The following COP1 variants were observed in gnomAD, a reference collection of about 807,000 sequenced individuals.
The protein encoded by COP1 is COP1 E3 ubiquitin ligase.
In COP1, 24 loss-of-function variants were observed where a neutral mutation model predicts 101.3. The observed-to-expected ratio is 0.24, with a 90% CI of 0.17 to 0.33. The LOEUF (loss-of-function observed/expected upper bound fraction) is 0.33. COP1 is among the 10% of genes least tolerant of loss of function. The pLI, the probability that COP1 is intolerant of heterozygous loss-of-function variation, is 1.00. For synonymous variants in COP1, 347 were observed against 341.9 expected (o/e 1.01, Z -0.17); for missense variants, 663 against 906.2 (o/e 0.73, Z 3.45).
At chr1:175,947,341 A>G (rs1428391195) in intron 18 of COP1, 102 bp from the exon 19 acceptor site, 6 of 801,676 alleles carry the variant, frequency 7.5e-6, no homozygotes, top group African/African-American at 5.2e-5. Flanking sequence ...TTCAATTCCT[A>G]AGACAATTGA....
intron 1 of COP1, among the ~76,000 whole-genome samples, chr1:176,190,451 A>G (rs1220156971): frequency 2.6e-5 from 4 of 151,940 alleles, no homozygotes; most frequent in Non-Finnish European, 5.9e-5. Context: ...ACATTTTTAT[A>G]CCAATTGCCA....
rs542787295 is a variant in COP1, at chr1:176,008,288, A to T, written c.1730-18809T>A. On this transcript the variant is annotated intron_variant, in intron 15 of 19. Transcript: ENST00000367669. ...AACCCGGTACCTCAGATGGAAATGC[A>T]GAAATCACCCATCTTCTGCGTTGCT... is the stretch of plus-strand genomic sequence containing the variant. 7.6e-4 allele frequency among the ~76,000 whole-genome samples: 116 copies of T among 152,322 alleles called. 1 individual carries two copies. Among genetic ancestry groups the T allele is most frequent in the Non-Finnish European group, 1.3e-3 (91 of 68,030 alleles).
intron 6 of COP1, among the ~76,000 whole-genome samples, chr1:176,142,297 A>C (rs1043792959): frequency 6.6e-6 from 1 of 152,156 alleles, no homozygotes; most frequent in Non-Finnish European, 1.5e-5. Flanking sequence ...ACCCATGGAA[A>C]GAAAAACAGA....
intron 9 of COP1, among the ~76,000 whole-genome samples, chr1:176,112,361 G>A (rs562941076): frequency 5.9e-5 from 9 of 151,460 alleles, no homozygotes; most frequent in African/African-American, 1.2e-4. Flanking sequence ...TGTGCACAAC[G>A]TGCAGGTTTG....
intron 9 of COP1, among the ~76,000 whole-genome samples, chr1:176,093,094 T>C (rs1681628199): frequency 6.6e-6 from 1 of 152,152 alleles, no homozygotes; most frequent in Non-Finnish European, 1.5e-5. Flanking sequence ...AAAGTTCAAA[T>C]ACAGCCAAAA....
intron 3 of COP1, among the ~76,000 whole-genome samples, chr1:176,169,456 C>A (rs1036718029): frequency 6.6e-6 from 1 of 152,076 alleles, no homozygotes; most frequent in Non-Finnish European, 1.5e-5. Flanking sequence ...ATATACAAAG[C>A]GTACCTTGGA....
chr1:176,048,126 T>C (rs1671828075), intron 11 of COP1, among the ~76,000 whole-genome samples: 1 of 151,824 alleles, frequency 6.6e-6, no homozygotes, highest in African/African-American at 2.4e-5. Context: ...CACACATTGA[T>C]ACGCCCACTT....
intron 15 of COP1, among the ~76,000 whole-genome samples, chr1:175,997,076 G>A (rs1036156234): frequency 1.3e-5 from 2 of 151,940 alleles, no homozygotes; most frequent in East Asian, 1.9e-4. Flanking sequence ...ACAGAACACA[G>A]TCCTCAGAAA....
intron 15 of COP1, among the ~76,000 whole-genome samples, chr1:176,003,672 G>C (rs1179331508): frequency 6.6e-6 from 1 of 152,086 alleles, no homozygotes; most frequent in South Asian, 2.1e-4. Context: ...GATACGTGGC[G>C]TTATTTCTGA....
chr1:176,111,146 T>G (rs1175881707), intron 9 of COP1, among the ~76,000 whole-genome samples: 3 of 152,060 alleles, frequency 2.0e-5, no homozygotes, highest in African/African-American at 7.2e-5. Flanking sequence ...AGCGAGACCT[T>G]GTCTCAAAAA....
At chr1:176,089,602 C>CA (rs1295000831) in intron 9 of COP1, among the ~76,000 whole-genome samples, 1 of 152,140 alleles carries the variant, frequency 6.6e-6, no homozygotes, top group Admixed American at 6.5e-5. Context: ...CAGTGTATCC[C>CA]TGCTTTGATA....
intron 15 of COP1, among the ~76,000 whole-genome samples, chr1:175,996,719 C>G (rs1174936131): frequency 6.6e-6 from 1 of 152,106 alleles, no homozygotes; most frequent in African/African-American, 2.4e-5. Flanking sequence ...TCAAGGAGAA[C>G]TACAAACCAC....
intron 5 of COP1, among the ~76,000 whole-genome samples, chr1:176,152,070 T>G (rs981122980): frequency 6.6e-6 from 1 of 151,900 alleles, no homozygotes; most frequent in Non-Finnish European, 1.5e-5. Flanking sequence ...GCAGGCAGAT[T>G]GCGTGAGCTC....
At chr1:176,087,090 C>A (rs1680335102) in intron 9 of COP1, among the ~76,000 whole-genome samples, 1 of 152,134 alleles carries the variant, frequency 6.6e-6, no homozygotes, top group Non-Finnish European at 1.5e-5. Flanking sequence ...CTTCCTTATA[C>A]CTTATACAAA....
rs555246404 is a variant in COP1 at position 176,037,526 on chromosome 1, C to A, written c.1612+5660G>T. Among the ~76,000 whole-genome samples, 5 of 142,852 alleles carry A rather than the reference C, an allele frequency of 3.5e-5. No individual in the cohort carries two copies. The South Asian group carries it at 9.1e-4, about 26-fold the overall frequency. The allele number at this position is 142,852 out of a possible 152,430, so 93.7% of individuals were successfully genotyped here. A position where few individuals can be genotyped will look rare whatever the true frequency, so the allele number is the denominator to read the frequency against. On this transcript the variant is annotated intron_variant, in intron 14 of 19. Coordinates refer to ENST00000367669, the MANE Select transcript of COP1 (RefSeq NM_022457.7). ...AAAAATTACAAAAACAGAAAAAAAA[C>A]AACAAAAAAATTCACCCTCTGAAAA...
At chr1:176,055,481 G>A (rs1673314669) in intron 11 of COP1, among the ~76,000 whole-genome samples, 1 of 152,152 alleles carries the variant, frequency 6.6e-6, no homozygotes, top group Non-Finnish European at 1.5e-5. Flanking sequence ...GCTAAGCTAA[G>A]CTCTTGTACC....
intron 3 of COP1, among the ~76,000 whole-genome samples, chr1:176,170,169 C>A (rs559444350): frequency 6.6e-6 from 1 of 152,230 alleles, no homozygotes; most frequent in Admixed American, 6.5e-5. Context: ...AAGTCTTGAA[C>A]CCTTCAAAGT....
intron 9 of COP1, among the ~76,000 whole-genome samples, chr1:176,099,598 T>C (rs562782678): frequency 1.3e-5 from 2 of 152,274 alleles, no homozygotes; most frequent in African/African-American, 4.8e-5. Context: ...TATGGCAATA[T>C]AGTTGTTTAC....
chr1:176,066,023 G>A (rs1222307965), intron 11 of COP1, among the ~76,000 whole-genome samples: 1 of 152,056 alleles, frequency 6.6e-6, no homozygotes, highest in Non-Finnish European at 1.5e-5. Context: ...ACCGCACCTG[G>A]CCGGGGGATA....
Sources: allele counts gnomAD v4.1 joint callset (sites outside exome capture counted in the v4.1 genomes callset), GRCh38; gene constraint gnomAD v4.1.1; transcripts MANE v1.5; gene names NCBI Gene and HGNC (gene_info 2026-07-23, HGNC 2026-07-21).